SH3TC1: variants seen among roughly 807,000 people sequenced by gnomAD.
SH3TC1 encodes SH3 domain and tetratricopeptide repeats 1.
A neutral mutation model predicts 117.3 loss-of-function variants in SH3TC1; 135 were observed. The observed-to-expected ratio is 1.15, with a 90% CI of 1.00 to 1.33. SH3TC1 has a LOEUF of 1.33. SH3TC1 is among the 40% of genes most tolerant of loss of function. The probability of loss-of-function intolerance (pLI) is 0.00; values close to 1 mark genes in which losing one functional copy is unlikely to be tolerated. For missense variants in SH3TC1, 2,092 were observed against 1,794.3 expected (o/e 1.17, Z -3.00); for synonymous variants, 898 against 816.9 (o/e 1.10, Z -1.69).
intron 1 of SH3TC1, among the ~76,000 whole-genome samples, chr4:8,187,136 C>G (rs573216911): frequency 3.9e-5 from 6 of 152,206 alleles, no homozygotes; most frequent in Non-Finnish European, 5.9e-5. Flanking sequence ...GTACCCTCTG[C>G]CACCCAACGC....
At position 8,190,342 on chromosome 4, in the gene SH3TC1, A is replaced by G. The variant is rs1227392354; in HGVS notation, c.-57+8132A>G. Among the ~76,000 whole-genome samples, 1 of 152,198 alleles carries G rather than the reference A, an allele frequency of 6.6e-6. No individual in the cohort carries two copies. On this transcript the variant is annotated intron_variant, in intron 1 of 16. Transcript: ENST00000508641. The surrounding 1 kb of genome is among the most constrained non-coding windows in gnomAD (Gnocchi z 4.7). ...GTTGGGTTAATGACTGTGTAAGCCA[A>G]GGTCAGGATCAACCCCCATCACTGG...
chr4:8,219,465 C>A lies in SH3TC1; in HGVS notation c.1047C>A (p.His349Gln), dbSNP rs148016463. The part of the protein sequence containing the change: ...VPSLPWCVGR[H>Q]AASGRVGFVR... ...GCCTGCCCTGGTGCGTGGGCCGACA[C>A]GCAGCCTCGGGCCGGGTGGGGTTTG... Residue 349 changes from histidine to glutamine, a missense_variant, in exon 9 of 18, where the codon CAC becomes CAA. Physicochemically the swap from His to Gln is conservative, Grantham distance 24. Coordinates refer to ENST00000245105, the MANE Select transcript of SH3TC1 (RefSeq NM_018986.5). The A allele has an allele frequency of 4.4e-6, 7 of 1,608,276 alleles. No homozygotes were observed. The highest frequency in any genetic ancestry group is 5.9e-6 in the Non-Finnish European group (7 of 1,176,476).
chr4:8,193,008 G>T (rs1717461714), intron 1 of SH3TC1, among the ~76,000 whole-genome samples: 1 of 152,182 alleles, frequency 6.6e-6, no homozygotes, highest in African/African-American at 2.4e-5. Flanking sequence ...ACCACATCTG[G>T]CCCCCTGTCT....
chr4:8,223,947 C>T (rs1181630517), intron 10 of SH3TC1, among the ~76,000 whole-genome samples: 2 of 152,182 alleles, frequency 1.3e-5, no homozygotes. Flanking sequence ...TACACACCTA[C>T]TTGTATACCT....
chr4:8,183,504 C>G lies in SH3TC1; in HGVS notation c.-57+1294C>G, dbSNP rs1717139946. On this transcript the variant is annotated intron_variant, in intron 1 of 16. Coordinates refer to the SH3TC1 transcript ENST00000508641. The surrounding 1 kb of genome is among the most constrained non-coding windows in gnomAD (Gnocchi z 5.4). The stretch of plus-strand genomic sequence containing the variant: ...AGCAGCCCCACCCAAGCAGGCGGCT[C>G]CAGGCTTGGCTGGGATCCCGCAGTG... Among the ~76,000 whole-genome samples the G allele has an allele frequency of 6.6e-6, 1 of 152,246 alleles. No individual in the cohort carries two copies. The highest frequency in any genetic ancestry group is 1.5e-5 in the Non-Finnish European group (1 of 68,046).
chr4:8,202,181 T>A (rs1578648511), intron 1 of SH3TC1, among the ~76,000 whole-genome samples: 1 of 152,092 alleles, frequency 6.6e-6, no homozygotes, highest in South Asian at 2.1e-4. Flanking sequence ...CAGCCACAGG[T>A]GCCAGGACCG....
At position 8,227,523 on chromosome 4, in the gene SH3TC1, T is replaced by TC. The variant is rs1213342027; in HGVS notation, c.1829_1830insC (p.Tyr611LeufsTer26). The TC allele has an allele frequency of 6.5e-7, 1 of 1,539,560 alleles. No individual in the cohort carries two copies. The highest frequency in any genetic ancestry group is 8.7e-7 in the Non-Finnish European group (1 of 1,148,508). ...GCTGTGTACGCCAACCTGGCCAGCA[T>TC]TTACCGGAAGCAGAAGAACCGGGAG... is the stretch of plus-strand genomic sequence containing the variant. On this transcript the variant is annotated frameshift_variant, in exon 12 of 18. Coordinates refer to ENST00000245105, the MANE Select transcript of SH3TC1 (RefSeq NM_018986.5). LOFTEE classifies it high-confidence loss of function.
chr4:8,235,977 G>A (rs759430663), intron 15 of SH3TC1: 5 of 442,106 alleles, frequency 1.1e-5, no homozygotes, highest in African/African-American at 8.2e-5. Flanking sequence ...TCAGCCCTGG[G>A]CACAGATAAA....
In SH3TC1 at chr4:8,240,729, T is replaced by C. The variant is rs938055486; in HGVS notation, c.3785T>C (p.Leu1262Pro). 1 of 1,613,842 alleles carries C rather than the reference T, an allele frequency of 6.2e-7. No individual in the cohort carries two copies. Among genetic ancestry groups the C allele is most frequent in the Non-Finnish European group, 8.5e-7 (1 of 1,180,024 alleles). Reference sequence around the variant, plus strand: ...TTTGATGCAGCCGGGTACTACCAGCTGGCGCTGGCAGCCGCCGTGGACCTG... The same window carrying C: ...TTTGATGCAGCCGGGTACTACCAGCCGGCGCTGGCAGCCGCCGTGGACCTG... The part of the protein sequence containing the change: ...DPFDAAGYYQ[L>P]ALAAAVDLGN... Residue 1262 changes from leucine to proline, a missense_variant, in exon 18 of 18, where the codon CTG becomes CCG. Physicochemically the swap from Leu to Pro is moderately conservative, Grantham distance 98 (BLOSUM62 -3). Transcript: ENST00000245105.
intron 1 of SH3TC1, among the ~76,000 whole-genome samples, chr4:8,187,322 G>C (rs1303558821): frequency 6.7e-6 from 1 of 149,728 alleles, no homozygotes; most frequent in Non-Finnish European, 1.5e-5. Flanking sequence ...TGGTCACCTG[G>C]CTGAAGGGTG....
intron 16 of SH3TC1, chr4:8,237,142 T>C (rs112945876): frequency 0.036 from 10,635 of 296,302 alleles, 346 homozygotes; most frequent in African/African-American, 0.097. Context: ...GTCATGTCTG[T>C]GGGTTGCCTG....
chr4:8,215,409 C>T (rs1194686988), intron 5 of SH3TC1, among the ~76,000 whole-genome samples: 3 of 152,172 alleles, frequency 2.0e-5, no homozygotes, highest in African/African-American at 7.2e-5. Context: ...GGCTGAGGCT[C>T]ATCCCACTGT....
At position 8,227,357 on chromosome 4, in the gene SH3TC1, C is replaced by T. The variant is rs1720571226; in HGVS notation, c.1663C>T (p.Leu555Phe). Residue 555 changes from leucine to phenylalanine, a missense_variant, in exon 12 of 18, where the codon CTC becomes TTC. By Grantham distance (22) the Leu-to-Phe change is conservative. Coordinates refer to ENST00000245105, the MANE Select transcript of SH3TC1 (RefSeq NM_018986.5). ...QARGAAKKAG[L>F]LMALARLCFL... is the part of the protein sequence containing the mutation. ...CCGGGGGGCGGCCAAGAAAGCTGGCCTCCTCATGGCCCTGGCCAGGCTCTG... is the reference window on the plus strand; with the variant it reads ...CCGGGGGGCGGCCAAGAAAGCTGGCTTCCTCATGGCCCTGGCCAGGCTCTG... The T allele has an allele frequency of 6.3e-7, 1 of 1,592,070 alleles. No homozygotes were observed. Among genetic ancestry groups the T allele is most frequent in the South Asian group, 1.1e-5 (1 of 87,730 alleles).
At chr4:8,211,838 G>T (rs1561686537) in intron 3 of SH3TC1, among the ~76,000 whole-genome samples, 1 of 152,102 alleles carries the variant, frequency 6.6e-6, no homozygotes, top group Admixed American at 6.5e-5. Context: ...AGCAGACAGA[G>T]CACGTGCCCA....
At chr4:8,232,449 C>G (rs774810766) in intron 13 of SH3TC1, 1 of 1,503,350 alleles carries the variant, frequency 6.7e-7, no homozygotes, top group African/African-American at 1.4e-5. Context: ...GCATTCTGGG[C>G]TGTTCTTCCT....
At chr4:8,202,862 CCTCT>C (rs1218244592) in intron 1 of SH3TC1, among the ~76,000 whole-genome samples, 1 of 152,212 alleles carries the variant, frequency 6.6e-6, no homozygotes, top group Non-Finnish European at 1.5e-5. Context: ...GGTCTCCCTC[CCTCT>C]GTGTGGGAGG....
Position 8,237,576 on chromosome 4 carries a change from C to T in SH3TC1, c.3659C>T (p.Ser1220Leu), listed in dbSNP as rs779640328. 1.9e-5 allele frequency: 30 copies of T among 1,612,292 alleles called. No homozygotes were observed. Among genetic ancestry groups the T allele is most frequent in the South Asian group, 1.4e-4 (13 of 90,888 alleles). Residue 1220 changes from serine to leucine, a missense_variant, in exon 17 of 18, where the codon TCG (serine) becomes TTG (leucine). By Grantham distance (145) the Ser-to-Leu change is moderately radical. Transcript: ENST00000245105. ...LAEHFYLKAL[S>L]LCNSPLEFDE... ...GAGCACTTCTACCTCAAGGCCCTGT[C>T]GCTCTGCAACTCGCCGCTGGAGTTT...
chr4:8,216,812 C>T, intron 6 of SH3TC1, 145 bp from the exon 7 acceptor site: 1 of 776,314 alleles, frequency 1.3e-6, no homozygotes, highest in East Asian at 2.6e-5. Flanking sequence ...CTTCTGAGCC[C>T]CTTTGGGTCT....
rs116542014 is a variant in SH3TC1, at chr4:8,194,042, T to A, written c.-57+11832T>A. Among the ~76,000 whole-genome samples the A allele has an allele frequency of 3.9e-3, 590 of 152,224 alleles. 3 individuals are homozygous for A. Among genetic ancestry groups the A allele is most frequent in the African/African-American group, 0.013 (560 of 41,518 alleles). On this transcript the variant is annotated intron_variant, in intron 1 of 16. Coordinates refer to the SH3TC1 transcript ENST00000508641. Reference sequence around the variant, plus strand: ...GGGAGGTAGAAGGCAGGGCCCCTGCTCCCCAGCCAGCACCCCTGGCTTGAG... The same window carrying A: ...GGGAGGTAGAAGGCAGGGCCCCTGCACCCCAGCCAGCACCCCTGGCTTGAG...
Sources: allele counts gnomAD v4.1 joint callset (sites outside exome capture counted in the v4.1 genomes callset), GRCh38; gene constraint gnomAD v4.1.1; non-coding constraint Gnocchi (gnomAD v3.1); transcripts MANE v1.5; gene names NCBI Gene and HGNC (gene_info 2026-07-23, HGNC 2026-07-21).